The following EPG5 variants were observed in gnomAD, a reference collection of about 807,000 sequenced individuals.
The protein encoded by EPG5 is ectopic P-granules 5 autophagy tethering factor.
EPG5 carries 159 observed loss-of-function variants against 302.7 expected under a neutral mutation model. The ratio of observed to expected loss-of-function variants is 0.53; its 90% CI spans 0.46 to 0.60. The LOEUF is 0.60. Among genes scored for constraint, EPG5 ranks in the 20% least tolerant of loss-of-function variants. EPG5 has a pLI of 0.00. For missense variants in EPG5, 2,896 were observed against 3,092.4 expected (o/e 0.94, Z 1.51); for synonymous variants, 1,158 against 1,136.8 (o/e 1.02, Z -0.37).
At position 45,901,096 on chromosome 18, in the gene EPG5, T is replaced by TC; in HGVS notation, c.4545dup (p.Lys1516GlufsTer49). On this transcript the variant is annotated frameshift_variant, in exon 26 of 44. Coordinates refer to ENST00000282041, the MANE Select transcript of EPG5 (RefSeq NM_020964.3). LOFTEE classifies it high-confidence loss of function. ...GAGGAAATAACTGGCACAGGAGGCT[T>TC]CGTCGGGTGCAGAGCAAGGGGAGGC... is the stretch of plus-strand genomic sequence containing the variant. 6.2e-7 allele frequency: 1 copy of TC among 1,614,168 alleles called. No homozygotes were observed. Among genetic ancestry groups the TC allele is most frequent in the South Asian group, 1.1e-5 (1 of 91,080 alleles).
rs1368648533 is a variant in EPG5, at chr18:45,930,699, T to C, written c.2389A>G (p.Ile797Val). The C allele has an allele frequency of 6.3e-7, 1 of 1,593,516 alleles. No individual in the cohort carries two copies. Among genetic ancestry groups the C allele is most frequent in the Admixed American group, 1.9e-5 (1 of 53,594 alleles). ...ACCTCATATATCTCCAGAACAATAATTTTTATGAAGTCTTCGTCCACATTG... is the reference window on the plus strand; with the variant it reads ...ACCTCATATATCTCCAGAACAATAACTTTTATGAAGTCTTCGTCCACATTG... ...RTNVDEDFIKIIVLEIYEVSY... is the reference protein window; with the variant it reads ...RTNVDEDFIKVIVLEIYEVSY... The change falls in exon 12 of 44, where the codon ATT becomes GTT. Residue 797 changes from isoleucine (I) to valine (V), a missense_variant. Around this residue, in one of 5 missense-constraint regions of EPG5, gnomAD observed 1,390 missense variants for 1,430.0 expected, o/e 0.97. Coordinates refer to ENST00000282041, the MANE Select transcript of EPG5 (RefSeq NM_020964.3).
chr18:45,875,150 T>A lies in EPG5; in HGVS notation c.6049+1086A>T, dbSNP rs1599466429. On this transcript the variant is annotated intron_variant, in intron 35 of 43. Transcript: ENST00000282041. ...AAACCAAGAAGTTAAGTAGTTCCAA[T>A]TGACAACAAATGTAGATCCTCTCTG... Among the ~76,000 whole-genome samples, 3 of 152,306 alleles carry A rather than the reference T, an allele frequency of 2.0e-5. No homozygotes were observed. The South Asian group carries it at 6.2e-4, about 32-fold the overall frequency.
At chr18:45,803,798 T>C in the EPG5 span, among the ~76,000 whole-genome samples, 1 of 152,204 alleles carries the variant, frequency 6.6e-6, no homozygotes, top group Non-Finnish European at 1.5e-5. Context: ...CATAACAAGT[T>C]AATTTCTCAT....
chr18:45,899,608 G>A, intron 26 of EPG5, 42 bp from the exon 27 acceptor site: 1 of 1,608,360 alleles, frequency 6.2e-7, no homozygotes. Context: ...TCTTAGGAAA[G>A]GTTATATGAT....
intron 38 of EPG5, 56 bp downstream of exon 38, chr18:45,866,742 T>C: frequency 7.3e-7 from 1 of 1,368,938 alleles, no homozygotes; most frequent in Middle Eastern, 1.8e-4. Flanking sequence ...GTAGCACTTA[T>C]GCTGCTACCA....
rs770442163 is a variant in EPG5 at position 45,899,604 on chromosome 18, G to T, written c.4647-38C>A. On this transcript the variant is annotated intron_variant, in intron 26 of 43. Transcript: ENST00000282041. ...ATCAGGAGGTAAAAGAAAGTCTTAG[G>T]AAAGGTTATATGATAGGTGATAAAG... 1.2e-5 allele frequency: 19 copies of T among 1,611,626 alleles called. No individual in the cohort carries two copies. In the Admixed American group the frequency reaches 2.7e-4, roughly 23 times the overall value.
At chr18:45,843,278 G>A (rs1031738810), downstream of EPG5, 6 of 152,276 alleles carry the variant, frequency 3.9e-5, no homozygotes, top group Non-Finnish European at 7.3e-5. Context: ...TGACTTGGAG[G>A]GGTGCTTCCC....
the EPG5 span, chr18:45,841,958 C>T: frequency 2.2e-5 from 16 of 734,598 alleles, no homozygotes; most frequent in Middle Eastern, 3.8e-4. Context: ...GCCCAGCCTC[C>T]GATGCCATTC....
chr18:45,912,141 T>C, intron 22 of EPG5, 149 bp downstream of exon 22: 3 of 651,816 alleles, frequency 4.6e-6, no homozygotes, highest in Non-Finnish European at 6.9e-6. Context: ...GTCTAATAAA[T>C]GTCAAACATA....
chr18:45,933,265 T>C (rs2050438672), intron 11 of EPG5, among the ~76,000 whole-genome samples: 1 of 151,228 alleles, frequency 6.6e-6, no homozygotes, highest in African/African-American at 2.4e-5. Context: ...AATAATAATA[T>C]AAGGAATCCA....
rs2049603529 is a variant in EPG5, at chr18:45,901,081, C to T, written c.4561G>A (p.Val1521Ile). 2 of 1,614,112 alleles carry T rather than the reference C, an allele frequency of 1.2e-6. No individual in the cohort carries two copies. Among genetic ancestry groups the T allele is most frequent in the Admixed American group, 1.7e-5 (1 of 60,010 alleles). ...CTCAATAGCACAGCAGAGGAAATAA[C>T]TGGCACAGGAGGCTTCGTCGGGTGC... Reference protein sequence around the residue: ...ALHPTKPPVPVISSAVLLSQK... With the variant: ...ALHPTKPPVPIISSAVLLSQK... Residue 1521 changes from valine to isoleucine, a missense_variant, in exon 26 of 44, where the codon GTT (valine) becomes ATT (isoleucine). Val to Ile is a conservative substitution (Grantham distance 29). Coordinates refer to ENST00000282041, the MANE Select transcript of EPG5 (RefSeq NM_020964.3).
intron 39 of EPG5, among the ~76,000 whole-genome samples, chr18:45,863,537 C>T (rs1309505806): frequency 2.0e-5 from 3 of 152,160 alleles, no homozygotes; most frequent in Non-Finnish European, 4.4e-5. Context: ...ACACTTTTAA[C>T]TCAACCTCCT....
the EPG5 span, chr18:45,838,926 C>T: frequency 6.2e-7 from 1 of 1,604,490 alleles, no homozygotes; most frequent in South Asian, 1.1e-5. Context: ...ACGGCCGCTA[C>T]ACGTGTACGG....
chr18:45,837,105 T>A, the EPG5 span: 1 of 1,612,758 alleles, frequency 6.2e-7, no homozygotes, highest in African/African-American at 1.3e-5. Context: ...GCTTTTATTA[T>A]TATCACCATC....
At chr18:45,910,267 T>G (rs1397649469) in intron 23 of EPG5, among the ~76,000 whole-genome samples, 1 of 152,174 alleles carries the variant, frequency 6.6e-6, no homozygotes, top group African/African-American at 2.4e-5. Context: ...TATTTTTACG[T>G]AAAGAAGTAG....
chr18:45,927,173 CA>C (rs895279629), intron 13 of EPG5, among the ~76,000 whole-genome samples: 16 of 151,964 alleles, frequency 1.1e-4, no homozygotes, highest in South Asian at 6.2e-4. Flanking sequence ...GCTGGGACTA[CA>C]GGTGCCCGCC....
intron 8 of EPG5, 139 bp from the exon 9 acceptor site, chr18:45,943,450 A>G (rs1436252514): frequency 7.2e-6 from 5 of 690,500 alleles, no homozygotes; most frequent in Non-Finnish European, 1.2e-5. Context: ...TGGCTCCCAT[A>G]TCAACATGAA....
rs2143791234 is a variant in EPG5, at chr18:45,955,050, C to T, written c.352G>A (p.Val118Ile). 2 of 1,614,190 alleles carry T rather than the reference C, an allele frequency of 1.2e-6. No individual in the cohort carries two copies. The highest frequency in any genetic ancestry group is 2.2e-5 in the South Asian group (2 of 91,082). ...TCTCCAGGGTGGACCTTTGGAGTGACTGCACTGTCCCCCACACAGGGTCTG... is the reference window on the plus strand; with the variant it reads ...TCTCCAGGGTGGACCTTTGGAGTGATTGCACTGTCCCCCACACAGGGTCTG... ...EARPCVGDSAVTPKVHPGDNV... is the reference protein window; with the variant it reads ...EARPCVGDSAITPKVHPGDNV... The change falls in exon 2 of 44, where the codon GTC (valine) becomes ATC (isoleucine). Residue 118 changes from valine to isoleucine, a missense_variant. Coordinates refer to ENST00000282041, the MANE Select transcript of EPG5 (RefSeq NM_020964.3).
At chr18:45,899,066 A>C (rs1227156019) in intron 27 of EPG5, among the ~76,000 whole-genome samples, 1 of 152,182 alleles carries the variant, frequency 6.6e-6, no homozygotes, top group East Asian at 1.9e-4. Context: ...TGGAGGTTGC[A>C]GTGAGCCAAG....
Sources: allele counts gnomAD v4.1 joint callset (sites outside exome capture counted in the v4.1 genomes callset), GRCh38; gene constraint gnomAD v4.1.1; regional missense constraint gnomAD v4.1.1; transcripts MANE v1.5; gene names NCBI Gene and HGNC (gene_info 2026-07-23, HGNC 2026-07-21).